The following RABGAP1L variants were observed in gnomAD, a reference collection of about 807,000 sequenced individuals.
RABGAP1L encodes the protein rab GTPase-activating protein 1-like.
Under a neutral mutation model 137.7 loss-of-function variants are expected in RABGAP1L, and 63 were observed. The observed-to-expected ratio is 0.46, with a 90% CI of 0.37 to 0.56. The LOEUF (loss-of-function observed/expected upper bound fraction) is 0.56, where lower values mean the gene tolerates loss of function less well. RABGAP1L is among the 20% of genes least tolerant of loss of function. The pLI, the probability that RABGAP1L is intolerant of heterozygous loss-of-function variation, is 0.00. For missense variants in RABGAP1L, 1,095 were observed against 1,244.0 expected, an observed-to-expected ratio of 0.88 and a Z score of 1.80; for synonymous variants, 431 against 433.7, an observed-to-expected ratio of 0.99 and a Z score of 0.08.
intron 12 of RABGAP1L, among the ~76,000 whole-genome samples, chr1:174,373,851 C>T (rs1233393687): frequency 6.6e-6 from 1 of 152,160 alleles, no homozygotes; most frequent in Non-Finnish European, 1.5e-5. Context: ...GCCCTTACAT[C>T]TTTGAGCAGA....
At chr1:174,717,657 A>G (rs190042648) in intron 17 of RABGAP1L, among the ~76,000 whole-genome samples, 41 of 152,308 alleles carry the variant, frequency 2.7e-4, no homozygotes, top group Middle Eastern at 3.4e-3. Context: ...GATGCCAGGT[A>G]TTACTTTGCC....
chr1:174,276,003 A>C (rs1674966448), intron 9 of RABGAP1L, 68 bp downstream of exon 9: 1 of 1,311,148 alleles, frequency 7.6e-7, no homozygotes, highest in Non-Finnish European at 1.0e-6. Flanking sequence ...GTTGCTTGTC[A>C]TGTTTTAAAA....
intron 17 of RABGAP1L, among the ~76,000 whole-genome samples, chr1:174,712,707 C>T (rs1359791350): frequency 1.3e-5 from 2 of 152,240 alleles, no homozygotes; most frequent in Non-Finnish European, 2.9e-5. Flanking sequence ...TCCCTGATCA[C>T]CCGTTCTTAA....
intron 13 of RABGAP1L, among the ~76,000 whole-genome samples, chr1:174,532,150 A>G (rs984980895): frequency 3.3e-5 from 5 of 152,018 alleles, no homozygotes; most frequent in African/African-American, 1.2e-4. Flanking sequence ...TAGAGGGCCT[A>G]TTGAGAAAGC....
At chr1:174,711,426 G>A (rs112677154) in intron 17 of RABGAP1L, among the ~76,000 whole-genome samples, 13 of 152,128 alleles carry the variant, frequency 8.5e-5, no homozygotes, top group African/African-American at 2.6e-4. Context: ...CCGAGGCTGC[G>A]CACAGTGCTT....
intron 18 of RABGAP1L, among the ~76,000 whole-genome samples, chr1:174,782,031 A>G (rs1271695322): frequency 6.6e-6 from 1 of 152,122 alleles, no homozygotes; most frequent in African/African-American, 2.4e-5. Flanking sequence ...TTGGCTTAGG[A>G]TTGACTTGGC....
intron 1 of RABGAP1L, among the ~76,000 whole-genome samples, chr1:174,200,408 T>C (rs1422617204): frequency 6.6e-6 from 1 of 152,232 alleles, no homozygotes; most frequent in Non-Finnish European, 1.5e-5. Flanking sequence ...TATCTACAGT[T>C]ACCTGAATAT....
chr1:174,564,044 C>T (rs1233930388), intron 13 of RABGAP1L, among the ~76,000 whole-genome samples: 1 of 152,150 alleles, frequency 6.6e-6, no homozygotes, highest in African/African-American at 2.4e-5. Flanking sequence ...TAAGGGGTAT[C>T]CATCAGAGTT....
intron 13 of RABGAP1L, among the ~76,000 whole-genome samples, chr1:174,600,994 A>G (rs1670366221): frequency 6.6e-6 from 1 of 152,194 alleles, no homozygotes; most frequent in Non-Finnish European, 1.5e-5. Flanking sequence ...GCATCCAGGC[A>G]TTTCCATACA....
intron 14 of RABGAP1L, among the ~76,000 whole-genome samples, chr1:174,654,005 C>T (rs2148400702): frequency 6.6e-6 from 1 of 152,194 alleles, no homozygotes; most frequent in Admixed American, 6.5e-5. Flanking sequence ...AGGGAAGGAG[C>T]TGGGAGAGTC....
At chr1:174,590,352 A>T (rs59512066) in intron 13 of RABGAP1L, among the ~76,000 whole-genome samples, 20,504 of 80,624 alleles carry the variant, frequency 0.25, 4,757 homozygotes, top group African/African-American at 0.6. Flanking sequence ...TTTTTTATTT[A>T]TTTTTTTTTT....
intron 13 of RABGAP1L, among the ~76,000 whole-genome samples, chr1:174,402,497 G>A (rs753989338): frequency 3.3e-5 from 5 of 152,164 alleles, no homozygotes; most frequent in East Asian, 3.9e-4. Context: ...GTTCTAAAGC[G>A]CCTAACTTCA....
At chr1:174,311,476 A>T (rs890744617) in intron 11 of RABGAP1L, among the ~76,000 whole-genome samples, 3 of 152,136 alleles carry the variant, frequency 2.0e-5, no homozygotes, top group Non-Finnish European at 4.4e-5. Context: ...TGTGTCCATG[A>T]CTTCAATTGT....
At chr1:174,219,088 A>T in intron 1 of RABGAP1L, 37 bp from the exon 2 acceptor site, 1 of 1,393,556 alleles carries the variant, frequency 7.2e-7, no homozygotes, top group Non-Finnish European at 9.8e-7. Flanking sequence ...GTTTTTAATC[A>T]GTAGGTTTTT....
intron 11 of RABGAP1L, among the ~76,000 whole-genome samples, chr1:174,369,009 A>G (rs1684874287): frequency 6.6e-6 from 1 of 152,202 alleles, no homozygotes; most frequent in African/African-American, 2.4e-5. Flanking sequence ...ATAATCAAAT[A>G]GCCTGAAACC....
At chr1:174,971,022 G>T (rs1213162295) in intron 21 of RABGAP1L, among the ~76,000 whole-genome samples, 1 of 151,650 alleles carries the variant, frequency 6.6e-6, no homozygotes, top group Non-Finnish European at 1.5e-5. Flanking sequence ...TAGGGAAGGG[G>T]ACCATAGTAT....
intron 17 of RABGAP1L, among the ~76,000 whole-genome samples, chr1:174,744,360 C>T (rs764669142): frequency 1.2e-4 from 19 of 152,150 alleles, no homozygotes; most frequent in African/African-American, 3.4e-4. Flanking sequence ...TTTCTTTTTG[C>T]GTGTTAATTA....
chr1:174,935,534 A>C (rs1189537954), intron 19 of RABGAP1L: 1 of 152,248 alleles, frequency 6.6e-6, no homozygotes, highest in Non-Finnish European at 1.5e-5. Flanking sequence ...AAAGACTTAG[A>C]ATTCTGAAAA....
chr1:174,616,048 T>C (rs61826916), intron 13 of RABGAP1L, among the ~76,000 whole-genome samples: 75,766 of 152,134 alleles, frequency 0.5, 21,417 homozygotes, highest in African/African-American at 0.78. Context: ...GGCAATGTCT[T>C]GCCCTGCTTT....
Sources: allele counts gnomAD v4.1 joint callset (sites outside exome capture counted in the v4.1 genomes callset), GRCh38; gene constraint gnomAD v4.1.1; transcripts MANE v1.5; gene names NCBI Gene and HGNC (gene_info 2026-07-23, HGNC 2026-07-21).